RFX7: variants seen among roughly 807,000 people sequenced by gnomAD.
RFX7 encodes DNA-binding protein RFX7.
A neutral mutation model predicts 111.8 loss-of-function variants in RFX7; 26 were observed. The ratio of observed to expected loss-of-function variants is 0.23; its 90% confidence interval spans 0.17 to 0.32. The LOEUF (loss-of-function observed/expected upper bound fraction) is 0.32. Ranked by LOEUF, RFX7 falls within the 10% of genes least tolerant of loss-of-function variation. The pLI, the probability that RFX7 is intolerant of heterozygous loss-of-function variation, is 1.00. For synonymous variants in RFX7, 624 were observed against 624.4 expected, an observed-to-expected ratio of 1.00 and a Z score of 0.01; for missense variants, 1,573 against 1,772.9, an observed-to-expected ratio of 0.89 and a Z score of 2.02.
intron 2 of RFX7, among the ~76,000 whole-genome samples, chr15:56,235,926 G>A (rs1185547113): frequency 6.6e-6 from 1 of 152,102 alleles, no homozygotes; most frequent in African/African-American, 2.4e-5. Context: ...TGTACCATAT[G>A]GACTCATGCC....
At chr15:56,201,743 A>G (rs2043194700) in intron 2 of RFX7, among the ~76,000 whole-genome samples, 1 of 151,882 alleles carries the variant, frequency 6.6e-6, no homozygotes, top group Non-Finnish European at 1.5e-5. Context: ...AAGTTTAAAA[A>G]ACACTGGCCG....
At position 56,216,317 on chromosome 15, in the gene RFX7, C is replaced by T. The variant is rs376525063; in HGVS notation, c.161+26808G>A. Among the ~76,000 whole-genome samples, 10 of 152,140 alleles carry T rather than the reference C, an allele frequency of 6.6e-5. No homozygotes were observed. In the South Asian group the frequency reaches 1.0e-3, roughly 16 times the overall value. ...AATTTTTAAAGAACTAACTCCATTT[C>T]CTTAATAGTTAAAGGGCAATTAAGT... is the stretch of plus-strand genomic sequence containing the variant. On this transcript the variant is annotated intron_variant, in intron 2 of 9. Coordinates refer to ENST00000559447, the MANE Select transcript of RFX7 (RefSeq NM_022841.7).
At chr15:56,212,297 A>G (rs1319798485) in intron 2 of RFX7, among the ~76,000 whole-genome samples, 2 of 152,234 alleles carry the variant, frequency 1.3e-5, no homozygotes, top group African/African-American at 4.8e-5. Flanking sequence ...ACATGCAGGG[A>G]AAAAGCAAAA....
At chr15:56,127,262 A>C (rs1354441596) in intron 5 of RFX7, among the ~76,000 whole-genome samples, 6 of 152,028 alleles carry the variant, frequency 3.9e-5, no homozygotes, top group African/African-American at 1.4e-4. Context: ...GAGAAATTAG[A>C]GAATACTTGA....
chr15:56,189,592 A>G (rs1420943591), intron 2 of RFX7, among the ~76,000 whole-genome samples: 11 of 152,244 alleles, frequency 7.2e-5, no homozygotes, highest in African/African-American at 1.7e-4. Context: ...ACTGGAATAG[A>G]TATTTCACAA....
intron 5 of RFX7, among the ~76,000 whole-genome samples, chr15:56,109,462 C>T (rs1356959409): frequency 1.3e-5 from 2 of 152,168 alleles, no homozygotes; most frequent in Non-Finnish European, 2.9e-5. Flanking sequence ...TCTGCCTGGC[C>T]GCCACCCGGT....
chr15:56,146,216 G>A (rs2042467918), intron 3 of RFX7, among the ~76,000 whole-genome samples: 1 of 151,942 alleles, frequency 6.6e-6, no homozygotes, highest in Admixed American at 6.6e-5. Context: ...TCCCACCTCA[G>A]CCTCCCAAGT....
At chr15:56,097,746 C>CAAA (rs67718449) in intron 9 of RFX7, among the ~76,000 whole-genome samples, 1,379 of 47,144 alleles carry the variant, frequency 0.029, 225 homozygotes, top group Admixed American at 0.073. Flanking sequence ...GACTCTGTCT[C>CAAA]AAAAAAAAAA....
chr15:56,194,810 C>T (rs758335653), intron 2 of RFX7, among the ~76,000 whole-genome samples: 1 of 152,034 alleles, frequency 6.6e-6, no homozygotes, highest in Non-Finnish European at 1.5e-5. Context: ...TTGCACATTG[C>T]TTGTGGGAAT....
chr15:56,200,671 T>C (rs1202937907), intron 2 of RFX7, among the ~76,000 whole-genome samples: 6 of 151,972 alleles, frequency 3.9e-5, no homozygotes, highest in African/African-American at 9.7e-5. Context: ...TGGTGGTGCA[T>C]GCCTGTAATC....
chr15:56,215,113 T>C (rs1421317655), intron 2 of RFX7, among the ~76,000 whole-genome samples: 1 of 152,234 alleles, frequency 6.6e-6, no homozygotes, highest in Non-Finnish European at 1.5e-5. Context: ...TGCTTACATC[T>C]CTTTTATCAA....
At chr15:56,120,158 G>A (rs1341227974) in intron 5 of RFX7, among the ~76,000 whole-genome samples, 1 of 152,058 alleles carries the variant, frequency 6.6e-6, no homozygotes, top group Non-Finnish European at 1.5e-5. Context: ...TTTACATTCT[G>A]TGTCCCCTTC....
chr15:56,203,459 G>C (rs746777769), intron 2 of RFX7, among the ~76,000 whole-genome samples: 19 of 152,184 alleles, frequency 1.2e-4, no homozygotes, highest in Non-Finnish European at 2.8e-4. Flanking sequence ...GACTGATCAT[G>C]AAACTCTCAG....
rs1256973209 is a variant in RFX7, at chr15:56,089,083, C to T, written c.*4262G>A. The T allele has an allele frequency of 1.3e-5, 2 of 152,112 alleles. No homozygotes were observed. The highest frequency in any genetic ancestry group is 4.8e-5 in the African/African-American group (2 of 41,434). 9.4% of individuals were successfully genotyped at this position (152,112 alleles called of 1,614,324 possible). ...CATTTAAGATGAATGACCACATGCTCCAGGAAATGGGCCCCCCCTCCTACC... is the reference window on the plus strand; with the variant it reads ...CATTTAAGATGAATGACCACATGCTTCAGGAAATGGGCCCCCCCTCCTACC... On this transcript the variant is annotated 3_prime_UTR_variant, in exon 10 of 10. Transcript: ENST00000559447.
chr15:56,244,135 TTAA>T (rs1422915942), upstream of RFX7: 1 of 152,000 alleles, frequency 6.6e-6, no homozygotes, highest in East Asian at 1.9e-4. Context: ...GAAACCAAAT[TTAA>T]TAATATTTGG....
chr15:56,195,104 C>G (rs1484413745), intron 2 of RFX7, among the ~76,000 whole-genome samples: 1 of 151,982 alleles, frequency 6.6e-6, no homozygotes, highest in Non-Finnish European at 1.5e-5. Flanking sequence ...TCAACAAATG[C>G]TACAATATGG....
At chr15:56,107,039 C>T (rs778179038) in intron 5 of RFX7, among the ~76,000 whole-genome samples, 28 of 152,110 alleles carry the variant, frequency 1.8e-4, no homozygotes, top group Non-Finnish European at 3.2e-4. Flanking sequence ...ATTTCACACC[C>T]GTAATCCCAT....
At chr15:56,125,599 CTG>C (rs374704505) in intron 5 of RFX7, among the ~76,000 whole-genome samples, 4 of 116,914 alleles carry the variant, frequency 3.4e-5, no homozygotes, top group African/African-American at 9.4e-5. Flanking sequence ...AGGGTTTCTT[CTG>C]TGTGTGTGAG....
At chr15:56,172,098 G>C (rs1185823744) in intron 3 of RFX7, among the ~76,000 whole-genome samples, 4 of 152,150 alleles carry the variant, frequency 2.6e-5, no homozygotes, top group African/African-American at 9.7e-5. Context: ...GGGGTAGTGT[G>C]TGTATGGAAA....
Sources: allele counts gnomAD v4.1 joint callset (sites outside exome capture counted in the v4.1 genomes callset), GRCh38; gene constraint gnomAD v4.1.1; transcripts MANE v1.5; gene names NCBI Gene and HGNC (gene_info 2026-07-23, HGNC 2026-07-21).